The following ATG5 variants were observed in gnomAD, a reference collection of about 807,000 sequenced individuals.
The protein encoded by ATG5 is autophagy related 5, also known as autophagy protein 5.
A neutral mutation model predicts 36.5 loss-of-function variants in ATG5; 14 were observed. The observed-to-expected ratio is 0.38, with a 90% CI of 0.25 to 0.60. ATG5 has a LOEUF of 0.60. ATG5 is among the 20% of genes least tolerant of loss of function. ATG5 has a pLI of 0.60. For synonymous variants in ATG5, 95 were observed against 101.5 expected (o/e 0.94, Z 0.38); for missense variants, 195 against 326.7 (o/e 0.60, Z 3.11).
chr6:106,205,962 A>C (rs750952814), intron 6 of ATG5, among the ~76,000 whole-genome samples: 4 of 152,234 alleles, frequency 2.6e-5, no homozygotes, highest in Non-Finnish European at 5.9e-5. Context: ...GTACCTTTAA[A>C]AACGTAATAT....
intron 1 of ATG5, among the ~76,000 whole-genome samples, chr6:106,317,048 TAGC>T (rs1238713219): frequency 1.3e-5 from 2 of 152,134 alleles, no homozygotes; most frequent in African/African-American, 4.8e-5. Flanking sequence ...ACCACAAATA[TAGC>T]ACTAGATCTG....
chr6:106,321,242 A>G (rs1562274705), intron 1 of ATG5, among the ~76,000 whole-genome samples: 1 of 152,086 alleles, frequency 6.6e-6, no homozygotes, highest in Non-Finnish European at 1.5e-5. Flanking sequence ...ACATTTGGTA[A>G]CCACTCAATA....
chr6:106,292,163 G>T (rs1460409249), intron 4 of ATG5, among the ~76,000 whole-genome samples: 6 of 152,210 alleles, frequency 3.9e-5, no homozygotes, highest in African/African-American at 4.8e-5. Context: ...TCAAGCACCT[G>T]AGACCAACAT....
chr6:106,229,151 G>T (rs898611253), intron 6 of ATG5, among the ~76,000 whole-genome samples: 2 of 152,192 alleles, frequency 1.3e-5, no homozygotes, highest in African/African-American at 4.8e-5. Flanking sequence ...AGGTACTAAT[G>T]GTTGAGACTT....
At chr6:106,193,479 T>TA (rs1208284826) in intron 7 of ATG5, among the ~76,000 whole-genome samples, 1 of 152,138 alleles carries the variant, frequency 6.6e-6, no homozygotes, top group Non-Finnish European at 1.5e-5. Context: ...GGACATAAAC[T>TA]AAAATTTAAA....
At chr6:106,306,038 G>A (rs1014509366) in intron 3 of ATG5, among the ~76,000 whole-genome samples, 2 of 152,116 alleles carry the variant, frequency 1.3e-5, no homozygotes, top group Admixed American at 6.5e-5. Flanking sequence ...CATAACTGTG[G>A]AAGTGATATA....
chr6:106,251,653 G>A, intron 5 of ATG5, among the ~76,000 whole-genome samples: 1 of 86,228 alleles, frequency 1.2e-5, no homozygotes, highest in Non-Finnish European at 2.5e-5. Context: ...GAGAGGGAGG[G>A]AGGGAGGAAG....
intron 7 of ATG5, among the ~76,000 whole-genome samples, chr6:106,198,341 T>C (rs1020447950): frequency 5.9e-5 from 9 of 152,214 alleles, no homozygotes; most frequent in Non-Finnish European, 2.9e-5. Flanking sequence ...TAAATTCCTT[T>C]ATATATGCTT....
At chr6:106,321,993 G>T (rs757965882) in intron 1 of ATG5, among the ~76,000 whole-genome samples, 2 of 152,012 alleles carry the variant, frequency 1.3e-5, no homozygotes, top group Admixed American at 1.3e-4. Context: ...CAGTATAGTC[G>T]CACTTTAAAT....
chr6:106,257,879 T>C (rs772162759), intron 5 of ATG5, among the ~76,000 whole-genome samples: 1 of 152,190 alleles, frequency 6.6e-6, no homozygotes, highest in Non-Finnish European at 1.5e-5. Context: ...CTCAAACAAG[T>C]TTTTATTTTG....
intron 7 of ATG5, among the ~76,000 whole-genome samples, chr6:106,194,812 C>A (rs12201458): frequency 0.077 from 11,696 of 152,208 alleles, 659 homozygotes; most frequent in Middle Eastern, 0.16. Flanking sequence ...TTATACATTA[C>A]ATTAGAAGAC....
chr6:106,201,969 T>C lies in ATG5; in HGVS notation c.691+3A>G. On this transcript the variant is annotated splice_donor_region_variant and intron_variant, in intron 7 of 7. Coordinates refer to ENST00000369076, the MANE Select transcript of ATG5 (RefSeq NM_004849.4). ...AATGTTTTAATGTTGCTGATTGTATTACCTTCAGGATCAATAGCAGAAGGA... is the reference window on the plus strand; with the variant it reads ...AATGTTTTAATGTTGCTGATTGTATCACCTTCAGGATCAATAGCAGAAGGA... The C allele has an allele frequency of 6.3e-7, 1 of 1,593,688 alleles. No homozygotes were observed. The highest frequency in any genetic ancestry group is 8.6e-7 in the Non-Finnish European group (1 of 1,163,940).
chr6:106,278,438 T>G (rs919888886), intron 5 of ATG5, among the ~76,000 whole-genome samples: 7 of 152,342 alleles, frequency 4.6e-5, no homozygotes, highest in Admixed American at 3.9e-4. Context: ...TCCTTTAATA[T>G]GAAATTTTTT....
At chr6:106,214,227 C>T (rs1436255210) in intron 6 of ATG5, among the ~76,000 whole-genome samples, 2 of 152,014 alleles carry the variant, frequency 1.3e-5, no homozygotes, top group Non-Finnish European at 2.9e-5. Context: ...TACAATACCT[C>T]ATTAAATAAA....
chr6:106,222,639 A>G (rs1030718152), intron 6 of ATG5, among the ~76,000 whole-genome samples: 1 of 152,238 alleles, frequency 6.6e-6, no homozygotes, highest in African/African-American at 2.4e-5. Flanking sequence ...AAGAGGCATA[A>G]AAAATAAAAG....
At chr6:106,296,358 T>C (rs1432943145) in intron 3 of ATG5, among the ~76,000 whole-genome samples, 5 of 152,224 alleles carry the variant, frequency 3.3e-5, no homozygotes, top group Admixed American at 3.3e-4. Context: ...TTCATCACTC[T>C]AGAACTTATT....
chr6:106,199,021 T>C (rs1023053035), intron 7 of ATG5, among the ~76,000 whole-genome samples: 4 of 151,996 alleles, frequency 2.6e-5, no homozygotes, highest in African/African-American at 9.7e-5. Context: ...CCATTAGCCA[T>C]TAGAAAAATG....
chr6:106,191,937 T>G (rs1775980862), intron 7 of ATG5, among the ~76,000 whole-genome samples: 1 of 152,212 alleles, frequency 6.6e-6, no homozygotes, highest in Admixed American at 6.5e-5. Context: ...CAAAGGGCTG[T>G]AAGAATTTGG....
In ATG5 at chr6:106,184,953, A is replaced by AT. The variant is rs556187580; in HGVS notation, c.*1586dup. ...CTTGTGCAAAAATACAAGTCAGTGGATTTTTTATCCTTACATAACTCAAAT... is the reference window on the plus strand; with the variant it reads ...CTTGTGCAAAAATACAAGTCAGTGGATTTTTTTATCCTTACATAACTCAAAT... On this transcript the variant is annotated 3_prime_UTR_variant, in exon 8 of 8. Transcript: ENST00000369076. The AT allele has an allele frequency of 6.6e-6, 1 of 152,310 alleles. No individual in the cohort carries two copies. The highest frequency in any genetic ancestry group is 2.4e-5 in the African/African-American group (1 of 41,450). The allele number at this position is 152,310 out of a possible 1,614,324, so 9.4% of individuals were successfully genotyped here. A position where few individuals can be genotyped will look rare whatever the true frequency, so the allele number is the denominator to read the frequency against.
Sources: gnomAD v4.1 joint callset for allele counts (sites outside exome capture counted in the v4.1 genomes callset) on GRCh38, gnomAD v4.1.1 for gene constraint, MANE v1.5 for transcripts, NCBI Gene and HGNC (gene_info 2026-07-23, HGNC 2026-07-21) for gene names.